Variants in TMC3 observed in about 807,000 individuals in gnomAD.
TMC3 encodes transmembrane channel-like protein 3.
A neutral mutation model predicts 110.6 loss-of-function variants in TMC3; 98 were observed. The observed-to-expected ratio is 0.89, with a 90% CI of 0.75 to 1.05. TMC3 has a LOEUF of 1.05. Among genes scored for constraint, TMC3 ranks in the 50% least tolerant of loss-of-function variants. TMC3 has a pLI of 0.00. For missense variants in TMC3, 1,319 were observed against 1,373.2 expected (o/e 0.96, Z 0.62); for synonymous variants, 489 against 513.1 (o/e 0.95, Z 0.63).
At chr15:81,372,866 T>TGTGC in intron 1 of TMC3, 129 bp from the exon 2 acceptor site, 1 of 794,448 alleles carries the variant, frequency 1.3e-6, no homozygotes, top group Non-Finnish European at 1.9e-6. Flanking sequence ...TGTATGTGTT[T>TGTGC]GTGCGTGTGT....
intron 2 of TMC3, 41 bp from the exon 3 acceptor site, chr15:81,368,369 C>T: frequency 6.6e-7 from 1 of 1,511,118 alleles, no homozygotes; most frequent in Non-Finnish European, 9.2e-7. Context: ...AATTGTATCA[C>T]ACTTACAATT....
intron 14 of TMC3, 81 bp downstream of exon 14, chr15:81,343,836 T>C: frequency 1.3e-6 from 2 of 1,519,566 alleles, no homozygotes; most frequent in South Asian, 2.4e-5. Flanking sequence ...TCAACTATGC[T>C]GGACTGTTTC....
In TMC3 at chr15:81,333,186, G is replaced by A. The variant is rs573702601; in HGVS notation, c.2536C>T (p.His846Tyr). The A allele has an allele frequency of 5.0e-6, 8 of 1,613,984 alleles. No individual in the cohort carries two copies. In the East Asian group the frequency reaches 1.3e-4, roughly 27 times the overall value. Residue 846 changes from histidine to tyrosine, a missense_variant, in exon 22 of 22, where the codon CAC becomes TAC. Coordinates refer to ENST00000359440, the MANE Select transcript of TMC3 (RefSeq NM_001080532.3). Reference sequence around the variant, plus strand: ...GGTTCTGAGTGTACATCTTCGATGTGCGTTGTAAATGTCATAGGTGTGCGC... The same window carrying A: ...GGTTCTGAGTGTACATCTTCGATGTACGTTGTAAATGTCATAGGTGTGCGC... ...RSRTPMTFTT[H>Y]IEDVHSEPLF...
At chr15:81,352,869 G>C (rs1354517637) in intron 9 of TMC3, among the ~76,000 whole-genome samples, 1 of 152,186 alleles carries the variant, frequency 6.6e-6, no homozygotes, top group Non-Finnish European at 1.5e-5. Flanking sequence ...GCCCAGGCTG[G>C]AGTGCAATAG....
chr15:81,332,761 G>T lies in TMC3; in HGVS notation c.2961C>A (p.His987Gln). The T allele has an allele frequency of 6.2e-7, 1 of 1,612,646 alleles. No individual in the cohort carries two copies. Among genetic ancestry groups the T allele is most frequent in the Non-Finnish European group, 8.5e-7 (1 of 1,179,398 alleles). The change falls in exon 22 of 22, where the codon CAC becomes CAA. Residue 987 changes from histidine (H) to glutamine (Q), a missense_variant. Coordinates refer to ENST00000359440, the MANE Select transcript of TMC3 (RefSeq NM_001080532.3). ...ACGACTTGTAGTGCACCCTCCCCTG[G>T]TGCTCGGGATCCCGGGTCTGACTTT... is the stretch of plus-strand genomic sequence containing the variant. ...RSESQTRDPEHQGRVHYKSWN... is the reference protein window; with the variant it reads ...RSESQTRDPEQQGRVHYKSWN...
Position 81,362,056 on chromosome 15 carries a change from A to G in TMC3, c.394+164T>C, listed in dbSNP as rs2141720312. 5 of 563,732 alleles carry G rather than the reference A, an allele frequency of 8.9e-6. No individual in the cohort carries two copies. In the Middle Eastern group the frequency reaches 1.5e-3, roughly 170 times the overall value. 34.9% of individuals were successfully genotyped at this position (563,732 alleles called of 1,614,324 possible). ...ATTCTGGTAGGTGGTGGGGGCAGGT[A>G]TCTTGTCTTCTGGGTCTGTTGTTCC... On this transcript the variant is annotated intron_variant, in intron 4 of 21. Coordinates refer to ENST00000359440, the MANE Select transcript of TMC3 (RefSeq NM_001080532.3).
intron 3 of TMC3, among the ~76,000 whole-genome samples, chr15:81,363,266 AT>A (rs777311159): frequency 1.3e-5 from 2 of 148,932 alleles, no homozygotes; most frequent in African/African-American, 5.0e-5. Context: ...AAAAAAAAAA[AT>A]TGTCTTATGT....
chr15:81,345,258 C>T (rs1893802195), intron 12 of TMC3, among the ~76,000 whole-genome samples: 1 of 152,152 alleles, frequency 6.6e-6, no homozygotes. Context: ...TTAGGTAACA[C>T]ATGTTAACTC....
intron 12 of TMC3, among the ~76,000 whole-genome samples, chr15:81,346,074 G>A (rs1230744788): frequency 2.0e-5 from 3 of 152,088 alleles, no homozygotes; most frequent in Non-Finnish European, 2.9e-5. Context: ...TTTTCCTGAT[G>A]GGATTCAAAG....
chr15:81,368,617 T>C (rs1894368869), intron 2 of TMC3, among the ~76,000 whole-genome samples: 1 of 152,218 alleles, frequency 6.6e-6, no homozygotes, highest in Non-Finnish European at 1.5e-5. Flanking sequence ...TCCCTGATTC[T>C]GGTGCTTGGC....
At position 81,331,174 on chromosome 15, in the gene TMC3, A is replaced by G. The variant is rs1893454405; in HGVS notation, c.*1245T>C. 1 of 152,278 alleles carries G rather than the reference A, an allele frequency of 6.6e-6. No homozygotes were observed. Among genetic ancestry groups the G allele is most frequent in the Admixed American group, 6.5e-5 (1 of 15,290 alleles). 9.4% of individuals were successfully genotyped at this position (152,278 alleles called of 1,614,324 possible). A position where few individuals can be genotyped will look rare whatever the true frequency, so the allele number is the denominator to read the frequency against. ...GAAAGTCTGAGCCCTGGATAAAGAAAGCAGCCACCTTTTAAGCAGTCGGTG... is the reference window on the plus strand; with the variant it reads ...GAAAGTCTGAGCCCTGGATAAAGAAGGCAGCCACCTTTTAAGCAGTCGGTG... On this transcript the variant is annotated 3_prime_UTR_variant, in exon 22 of 22. Coordinates refer to ENST00000359440, the MANE Select transcript of TMC3 (RefSeq NM_001080532.3).
At chr15:81,356,388 C>T (rs1350859564) in intron 8 of TMC3, 59 bp downstream of exon 8, 16 of 1,512,798 alleles carry the variant, frequency 1.1e-5, no homozygotes, top group African/African-American at 2.8e-5. Context: ...TGAGGGCCAG[C>T]GGCTGGCTCT....
At chr15:81,342,445 A>C (rs1202899738) in intron 15 of TMC3, among the ~76,000 whole-genome samples, 1 of 152,216 alleles carries the variant, frequency 6.6e-6, no homozygotes, top group Non-Finnish European at 1.5e-5. Flanking sequence ...TGGGTTTACT[A>C]TAAGGATTAA....
rs1231410653 is a variant in TMC3 at position 81,339,429 on chromosome 15, G to A, written c.1920C>T (p.Val640=). The change falls in exon 17 of 22, where the codon GTC becomes GTT. Residue 640 remains valine (V), a synonymous_variant. Coordinates refer to ENST00000359440, the MANE Select transcript of TMC3 (RefSeq NM_001080532.3). ...CACAGTTTAGAGATGGCTTGTATCG[G>A]ACAATAGCAAAAATGGTTGGCAGCA... The part of the protein sequence containing the change: ...LCMLPTIFAI[V]RYKPSLNCGP... The A allele has an allele frequency of 6.2e-7, 1 of 1,611,242 alleles. No individual in the cohort carries two copies. Among genetic ancestry groups the A allele is most frequent in the East Asian group, 2.2e-5 (1 of 44,860 alleles).
At chr15:81,360,659 C>G (rs955403899) in intron 4 of TMC3, among the ~76,000 whole-genome samples, 1 of 150,454 alleles carries the variant, frequency 6.6e-6, no homozygotes, top group Non-Finnish European at 1.5e-5. Context: ...CTTAGCTGCA[C>G]CCTAGCTGAG....
chr15:81,349,847 C>T (rs1481680947), intron 10 of TMC3, among the ~76,000 whole-genome samples: 1 of 146,746 alleles, frequency 6.8e-6, no homozygotes, highest in African/African-American at 2.6e-5. Context: ...GGTGCTGTGG[C>T]TCACACCTGT....
intron 14 of TMC3, 70 bp from the exon 15 acceptor site, chr15:81,343,415 A>T: frequency 1.0e-6 from 1 of 983,790 alleles, no homozygotes; most frequent in Admixed American, 1.7e-5. Flanking sequence ...TTAATTACAG[A>T]CACCTATATA....
chr15:81,369,326 A>G (rs1030700295), intron 2 of TMC3, among the ~76,000 whole-genome samples: 2 of 151,880 alleles, frequency 1.3e-5, no homozygotes, highest in Admixed American at 6.6e-5. Flanking sequence ...TTGGTTTTGG[A>G]TCTCTCTTCC....
In TMC3 at chr15:81,373,975, TGG is replaced by T. The variant is rs754900010; in HGVS notation, c.89+12_89+13del. The T allele has an allele frequency of 7.4e-6, 12 of 1,612,016 alleles. No homozygotes were observed. The highest frequency in any genetic ancestry group is 1.0e-5 in the Non-Finnish European group (12 of 1,179,016). ...CTGACTCCTCTGCCCAGCTGATGAA[TGG>T]GGCCAGCTCACCTGAGCAGCAGAGA... On this transcript the variant is annotated intron_variant, in intron 1 of 21. Coordinates refer to ENST00000359440, the MANE Select transcript of TMC3 (RefSeq NM_001080532.3).
Sources: allele counts gnomAD v4.1 joint callset (sites outside exome capture counted in the v4.1 genomes callset), GRCh38; gene constraint gnomAD v4.1.1; transcripts MANE v1.5; gene names NCBI Gene and HGNC (gene_info 2026-07-23, HGNC 2026-07-21).